Variants in PKNOX2 observed in about 807,000 individuals in gnomAD.
PKNOX2 encodes PBX/knotted 1 homeobox 2.
Under a neutral mutation model 53.1 loss-of-function variants are expected in PKNOX2, and 14 were observed. The ratio of observed to expected loss-of-function variants is 0.26; its 90% CI spans 0.17 to 0.41. PKNOX2 has a LOEUF of 0.41. Ranked by LOEUF, PKNOX2 falls within the 10% of genes least tolerant of loss-of-function variation. The pLI, the probability that PKNOX2 is intolerant of heterozygous loss-of-function variation, is 1.00. For missense variants in PKNOX2, 496 were observed against 602.8 expected (o/e 0.82, Z 1.85); for synonymous variants, 257 against 242.8 (o/e 1.06, Z -0.54).
Position 125,431,576 on chromosome 11 carries a change from T to A in PKNOX2, c.*184T>A. ...TTCCTTCCCAACCACCGAGCTTCAA[T>A]GAGGACCCCAGCCCCACTTCCCTGG... On this transcript the variant is annotated 3_prime_UTR_variant, in exon 13 of 13. Transcript: ENST00000298282. 1.5e-6 allele frequency: 1 copy of A among 684,106 alleles called. No homozygotes were observed. The highest frequency in any genetic ancestry group is 2.4e-6 in the Non-Finnish European group (1 of 417,240). The allele number at this position is 684,106 out of a possible 1,614,324, so 42.4% of individuals were successfully genotyped here.
rs1001507269 is a variant in PKNOX2 at position 125,405,954 on chromosome 11, TC to T, written c.589-4238del. ...TCTTGGGCTGGATAACCAGCTGTCATCCCCAGGTTCCTGGATAATTCCAGCA... is the reference window on the plus strand; with the variant it reads ...TCTTGGGCTGGATAACCAGCTGTCATCCCAGGTTCCTGGATAATTCCAGCA... On this transcript the variant is annotated intron_variant, in intron 7 of 12. Transcript: ENST00000298282. Among the ~76,000 whole-genome samples the T allele has an allele frequency of 9.8e-5, 15 of 152,290 alleles. No homozygotes were observed. The Middle Eastern group carries it at 0.01, about 104-fold the overall frequency.
chr11:125,362,236 A>G (rs1464009087), intron 4 of PKNOX2, among the ~76,000 whole-genome samples: 1 of 152,096 alleles, frequency 6.6e-6, no homozygotes, highest in Non-Finnish European at 1.5e-5. Context: ...AAAGTAATTA[A>G]ATGCTCCAAT....
intron 2 of PKNOX2, among the ~76,000 whole-genome samples, chr11:125,273,761 G>A (rs904401769): frequency 3.9e-5 from 6 of 152,100 alleles, no homozygotes; most frequent in African/African-American, 1.4e-4. Flanking sequence ...CCACGTCAGG[G>A]GGATCCTTTT....
At chr11:125,424,813 A>G (rs1280625158) in intron 10 of PKNOX2, among the ~76,000 whole-genome samples, 1 of 152,216 alleles carries the variant, frequency 6.6e-6, no homozygotes, top group Non-Finnish European at 1.5e-5. Context: ...CCTGTGAACC[A>G]GAACTGGCTT....
intron 3 of PKNOX2, among the ~76,000 whole-genome samples, chr11:125,338,844 G>A (rs1051189448): frequency 1.3e-5 from 2 of 152,200 alleles, no homozygotes; most frequent in African/African-American, 2.4e-5. Context: ...CAAAGTGAAG[G>A]CATGATCTTG....
intron 10 of PKNOX2, among the ~76,000 whole-genome samples, chr11:125,414,767 A>T (rs1397839175): frequency 2.6e-4 from 40 of 152,192 alleles, no homozygotes; most frequent in Admixed American, 1.3e-4. Context: ...AAAGAAGCTA[A>T]TACTTATTTC....
chr11:125,305,122 T>A (rs576699105), intron 2 of PKNOX2, among the ~76,000 whole-genome samples: 75 of 152,320 alleles, frequency 4.9e-4, no homozygotes, highest in Non-Finnish European at 9.0e-4. Flanking sequence ...GACACCCACC[T>A]GAGCAAGCTC....
At chr11:125,409,930 G>T (rs769937540) in intron 7 of PKNOX2, 2 of 355,696 alleles carry the variant, frequency 5.6e-6, no homozygotes, top group Non-Finnish European at 5.1e-6. Context: ...GACCATGGGG[G>T]TTATCAGATA....
At chr11:125,371,810 G>T (rs1565509190) in intron 5 of PKNOX2, among the ~76,000 whole-genome samples, 1 of 152,192 alleles carries the variant, frequency 6.6e-6, no homozygotes, top group Non-Finnish European at 1.5e-5. Context: ...GCAGTGAGAA[G>T]ACAGTGAGGG....
chr11:125,345,192 G>C (rs1479739639), intron 3 of PKNOX2, among the ~76,000 whole-genome samples: 2 of 152,186 alleles, frequency 1.3e-5, no homozygotes, highest in African/African-American at 2.4e-5. Context: ...TGTGCTGTAA[G>C]GTGGGGCGGG....
intron 5 of PKNOX2, among the ~76,000 whole-genome samples, chr11:125,371,937 A>G (rs1356993138): frequency 6.6e-6 from 1 of 152,126 alleles, no homozygotes; most frequent in African/African-American, 2.4e-5. Flanking sequence ...TCACAATTGA[A>G]TTAACTGTGT....
chr11:125,396,576 CTT>C (rs201275403), intron 6 of PKNOX2, among the ~76,000 whole-genome samples: 1 of 107,824 alleles, frequency 9.3e-6, no homozygotes, highest in South Asian at 3.0e-4. Flanking sequence ...AATGCAGAAA[CTT>C]TTAAAAAAAA....
chr11:125,303,552 A>C (rs1259553445), intron 2 of PKNOX2, among the ~76,000 whole-genome samples: 1 of 151,784 alleles, frequency 6.6e-6, no homozygotes, highest in Non-Finnish European at 1.5e-5. Flanking sequence ...GGGAGTTCAG[A>C]CTCATGGCCT....
intron 10 of PKNOX2, among the ~76,000 whole-genome samples, chr11:125,413,964 C>A (rs1955722803): frequency 6.6e-6 from 1 of 152,178 alleles, no homozygotes; most frequent in South Asian, 2.1e-4. Flanking sequence ...CTACTTTCCA[C>A]TCCCCACTTG....
At chr11:125,401,071 GA>G (rs1954717148) in intron 7 of PKNOX2, among the ~76,000 whole-genome samples, 1 of 151,696 alleles carries the variant, frequency 6.6e-6, no homozygotes, top group African/African-American at 2.4e-5. Flanking sequence ...ATGAGAGAAA[GA>G]AAGTTGGGTG....
In PKNOX2 at chr11:125,225,496, G is replaced by A. The variant is rs1000005306; in HGVS notation, c.-200-9549G>A. 9.2e-5 allele frequency among the ~76,000 whole-genome samples: 14 copies of A among 152,168 alleles called. 1 individual carries two copies. On this transcript the variant is annotated intron_variant, in intron 1 of 12. Transcript: ENST00000298282. ...CAAGAGAGATGATCTCTAAGAGTCT[G>A]CCCAGGCCCATCCATCTCACTTCTA...
At chr11:125,216,946 G>GATGTGC (rs1242770407) in intron 1 of PKNOX2, among the ~76,000 whole-genome samples, 4 of 151,994 alleles carry the variant, frequency 2.6e-5, no homozygotes, top group Non-Finnish European at 2.9e-5. Flanking sequence ...GTGTGGCCAG[G>GATGTGC]ATGTGCATGT....
In PKNOX2 at chr11:125,401,766, A is replaced by AGTGT. The variant is rs370503272; in HGVS notation, c.588+3725_588+3728dup. 9.8e-3 allele frequency among the ~76,000 whole-genome samples: 1,469 copies of AGTGT among 149,254 alleles called. 17 individuals carry two copies. Among genetic ancestry groups the AGTGT allele is most frequent in the African/African-American group, 0.029 (1,163 of 40,746 alleles). On this transcript the variant is annotated intron_variant, in intron 7 of 12. Transcript: ENST00000298282. ...ATGAGAGAGAGAAAAGGAGCTTGTG[A>AGTGT]GTGTGTGTGTGTGTGTGTGTGTGTA...
intron 1 of PKNOX2, among the ~76,000 whole-genome samples, chr11:125,191,561 G>C (rs543067090): frequency 6.6e-6 from 1 of 152,222 alleles, no homozygotes; most frequent in African/African-American, 2.4e-5. Context: ...GGATTGAGCA[G>C]TAGACGTCAC....
Sources: allele counts gnomAD v4.1 joint callset (sites outside exome capture counted in the v4.1 genomes callset), GRCh38; gene constraint gnomAD v4.1.1; transcripts MANE v1.5; gene names NCBI Gene and HGNC (gene_info 2026-07-23, HGNC 2026-07-21).